MCHR2: variants seen among roughly 807,000 people sequenced by gnomAD.
MCHR2 encodes melanin concentrating hormone receptor 2.
Under a neutral mutation model 24.8 loss-of-function variants are expected in MCHR2, and 15 were observed. That is an observed-to-expected ratio of 0.60 (90% CI 0.40 to 0.93). MCHR2 has a LOEUF of 0.93. Ranked by LOEUF, MCHR2 falls within the 40% of genes least tolerant of loss-of-function variation. The pLI is 0.00. For missense variants in MCHR2, 386 were observed against 408.7 expected, an observed-to-expected ratio of 0.94 and a Z score of 0.48; for synonymous variants, 151 against 147.6, an observed-to-expected ratio of 1.02 and a Z score of -0.17.
chr6:99,947,875 C>A lies in MCHR2; in HGVS notation c.279G>T (p.Trp93Cys), dbSNP rs1223501416. ...IVGMPFLIHQWARGGEWVFGG... is the reference protein window; with the variant it reads ...IVGMPFLIHQCARGGEWVFGG... ...CAAACACCCACTCTCCCCCTCGGGC[C>A]CATTGGTGAATAAGAAAAGGCATTC... Residue 93 changes from tryptophan to cysteine, a missense_variant, in exon 3 of 6, where the codon TGG (tryptophan) becomes TGT (cysteine). Transcript: ENST00000281806. 1 of 1,613,742 alleles carries A rather than the reference C, an allele frequency of 6.2e-7. No homozygotes were observed.
intron 5 of MCHR2, among the ~76,000 whole-genome samples, chr6:99,930,722 T>C (rs1774501951): frequency 6.6e-6 from 1 of 152,206 alleles, no homozygotes; most frequent in Non-Finnish European, 1.5e-5. Context: ...GTATTGGTTA[T>C]TCTAGTTATG....
chr6:99,919,580 T>C lies in MCHR2; in HGVS notation c.*1360A>G, dbSNP rs1172911319. On this transcript the variant is annotated 3_prime_UTR_variant, in exon 6 of 6. Transcript: ENST00000281806. ...TAGAACACAGGCATTAAATGCATTG[T>C]TTCCTTTCCTAACTATATATAAGTC... Among the ~76,000 whole-genome samples, 1 of 152,202 alleles carries C rather than the reference T, an allele frequency of 6.6e-6. No homozygotes were observed. The highest frequency in any genetic ancestry group is 1.5e-5 in the Non-Finnish European group (1 of 68,044).
chr6:99,986,714 G>C (rs1486886561), intron 1 of MCHR2, among the ~76,000 whole-genome samples: 1 of 151,918 alleles, frequency 6.6e-6, no homozygotes, highest in Admixed American at 6.6e-5. Context: ...AATTCCTATA[G>C]GGTACAATAT....
rs904983655 is a variant in MCHR2, at chr6:99,991,991, A to G, written c.-28+1945T>C. On this transcript the variant is annotated intron_variant, in intron 1 of 5. Transcript: ENST00000281806. ...CTGTATATATTTCATTTCATTTCTGAGAATCAGAATGTTAAAAATAAATGC... is the reference window on the plus strand; with the variant it reads ...CTGTATATATTTCATTTCATTTCTGGGAATCAGAATGTTAAAAATAAATGC... Among the ~76,000 whole-genome samples, 5 of 152,158 alleles carry G rather than the reference A, an allele frequency of 3.3e-5. No individual in the cohort carries two copies. The South Asian group carries it at 8.3e-4, about 25-fold the overall frequency.
rs1285284805 is a variant in MCHR2, at chr6:99,920,968, A to G, written c.995T>C (p.Met332Thr). The G allele has an allele frequency of 1.9e-6, 3 of 1,614,136 alleles. No individual in the cohort carries two copies. The highest frequency in any genetic ancestry group is 1.7e-5 in the Admixed American group (1 of 60,024). Residue 332 changes from methionine to threonine, a missense_variant, in exon 6 of 6, where the codon ATG (methionine) becomes ACG (threonine). Transcript: ENST00000281806. ...AAAGTGTGATTTCAGAGTGTTTCCC[A>G]TATTGTTGATTTCCTTCTCAGTCGC... is the stretch of plus-strand genomic sequence containing the variant. ...RRATEKEINNMGNTLKSHF is the reference protein window; with the variant it reads ...RRATEKEINNTGNTLKSHF
chr6:99,960,601 C>T (rs1775166161), intron 1 of MCHR2, among the ~76,000 whole-genome samples: 1 of 152,118 alleles, frequency 6.6e-6, no homozygotes, highest in Non-Finnish European at 1.5e-5. Context: ...GCTACAGTAA[C>T]CAAAACAGCA....
At chr6:99,921,506 A>C (rs1582362845) in intron 5 of MCHR2, among the ~76,000 whole-genome samples, 1 of 152,254 alleles carries the variant, frequency 6.6e-6, no homozygotes, top group East Asian at 1.9e-4. Context: ...GGTACATAGT[A>C]GGTGTATATA....
At chr6:99,928,345 G>A (rs1774418783) in intron 5 of MCHR2, among the ~76,000 whole-genome samples, 1 of 152,158 alleles carries the variant, frequency 6.6e-6, no homozygotes, top group Non-Finnish European at 1.5e-5. Context: ...GATGACGCTG[G>A]CCTCATAAAA....
intron 2 of MCHR2, 127 bp from the exon 3 acceptor site, chr6:99,948,098 G>T (rs937746820): frequency 2.2e-5 from 16 of 734,946 alleles, no homozygotes; most frequent in Admixed American, 1.8e-4. Context: ...CTATACAGAT[G>T]CATAGAGGAA....
At chr6:99,959,834 GATA>G (rs111797843) in intron 1 of MCHR2, among the ~76,000 whole-genome samples, 2,879 of 147,502 alleles carry the variant, frequency 0.02, 36 homozygotes, top group Middle Eastern at 0.05. Context: ...TAATAATAAT[GATA>G]ATAATAATAA....
At chr6:99,935,658 A>G (rs1448783986) in intron 4 of MCHR2, among the ~76,000 whole-genome samples, 2 of 152,004 alleles carry the variant, frequency 1.3e-5, no homozygotes, top group African/African-American at 4.8e-5. Context: ...TGAACAGTAC[A>G]GCAATAAACA....
chr6:99,976,192 A>G (rs952976851), intron 1 of MCHR2, among the ~76,000 whole-genome samples: 2 of 152,236 alleles, frequency 1.3e-5, no homozygotes, highest in African/African-American at 4.8e-5. Flanking sequence ...TTAACTGCCT[A>G]ACAAACCTAT....
intron 1 of MCHR2, among the ~76,000 whole-genome samples, chr6:99,958,893 C>T (rs1775123844): frequency 6.6e-6 from 1 of 152,146 alleles, no homozygotes; most frequent in Non-Finnish European, 1.5e-5. Context: ...TTTGTCTCAT[C>T]TATCTCAGTG....
At chr6:99,928,490 T>C (rs1476059970) in intron 5 of MCHR2, among the ~76,000 whole-genome samples, 1 of 152,192 alleles carries the variant, frequency 6.6e-6, no homozygotes, top group African/African-American at 2.4e-5. Flanking sequence ...GTTGGTAAGC[T>C]ATTGATTATT....
chr6:99,961,370 G>A (rs1055250213), intron 1 of MCHR2, among the ~76,000 whole-genome samples: 1 of 151,970 alleles, frequency 6.6e-6, no homozygotes, highest in East Asian at 1.9e-4. Context: ...TACACCCAAA[G>A]GATTATAAAT....
intron 5 of MCHR2, among the ~76,000 whole-genome samples, chr6:99,925,830 T>A (rs1427811375): frequency 6.6e-6 from 1 of 151,298 alleles, no homozygotes; most frequent in Admixed American, 6.6e-5. Flanking sequence ...TTTATTTTTA[T>A]TTTTTATTTT....
intron 1 of MCHR2, among the ~76,000 whole-genome samples, chr6:99,960,090 AG>A (rs1422019463): frequency 1.3e-5 from 2 of 152,112 alleles, no homozygotes; most frequent in Non-Finnish European, 2.9e-5. Flanking sequence ...TTTTGAAAGC[AG>A]CAAGAGAAAA....
chr6:99,963,820 AAAT>A (rs1420646226), intron 1 of MCHR2, among the ~76,000 whole-genome samples: 4 of 152,108 alleles, frequency 2.6e-5, no homozygotes, highest in African/African-American at 9.7e-5. Context: ...TGGGAATTAA[AAAT>A]AATGACACAA....
intron 4 of MCHR2, 27 bp from the exon 5 acceptor site, chr6:99,934,544 G>T: frequency 6.6e-7 from 1 of 1,516,526 alleles, no homozygotes; most frequent in Non-Finnish European, 8.8e-7. Context: ...AGAAGAGAGA[G>T]AGAGAAAGAA....
Sources: allele counts gnomAD v4.1 joint callset (sites outside exome capture counted in the v4.1 genomes callset), GRCh38; gene constraint gnomAD v4.1.1; transcripts MANE v1.5; gene names NCBI Gene and HGNC (gene_info 2026-07-23, HGNC 2026-07-21).